ANK3: variants seen among roughly 807,000 people sequenced by gnomAD.
ANK3 encodes ankyrin-3.
ANK3 carries 57 observed loss-of-function variants against 370.9 expected under a neutral mutation model. The observed-to-expected ratio is 0.15, with a 90% CI of 0.12 to 0.19. The LOEUF (loss-of-function observed/expected upper bound fraction) is 0.19, where lower values mean the gene tolerates loss of function less well. Among genes scored for constraint, ANK3 ranks in the 10% least tolerant of loss-of-function variants. ANK3 has a pLI of 1.00. For synonymous variants in ANK3, 1,929 were observed against 1,946.3 expected, an observed-to-expected ratio of 0.99 and a Z score of 0.23; for missense variants, 4,439 against 5,302.1, an observed-to-expected ratio of 0.84 and a Z score of 5.06.
intron 1 of ANK3, among the ~76,000 whole-genome samples, chr10:60,347,054 G>GATATATAT (rs34027235): frequency 2.9e-4 from 41 of 142,540 alleles, no homozygotes; most frequent in African/African-American, 1.0e-3. Context: ...AGAAATATAT[G>GATATATAT]ATATATATAT....
chr10:60,592,577 T>C (rs1319846568), intron 2 of ANK3, among the ~76,000 whole-genome samples: 1 of 152,082 alleles, frequency 6.6e-6, no homozygotes, highest in Non-Finnish European at 1.5e-5. Flanking sequence ...CTGGCCAACA[T>C]GGTGAAACCT....
intron 18 of ANK3, among the ~76,000 whole-genome samples, chr10:60,179,628 G>T (rs1398143752): frequency 6.6e-6 from 1 of 151,806 alleles, no homozygotes; most frequent in Non-Finnish European, 1.5e-5. Context: ...GGAGGTGGAG[G>T]TTGCAGCAAG....
chr10:60,048,972 T>C (rs1185726155), intron 42 of ANK3, among the ~76,000 whole-genome samples: 2 of 152,236 alleles, frequency 1.3e-5, no homozygotes, highest in Non-Finnish European at 2.9e-5. Flanking sequence ...ATTCACCATA[T>C]ACTATTATAG....
chr10:60,570,531 T>A (rs2077567601), intron 2 of ANK3, among the ~76,000 whole-genome samples: 2 of 152,094 alleles, frequency 1.3e-5, no homozygotes, highest in Non-Finnish European at 2.9e-5. Context: ...GTAAAAACCC[T>A]GGTCTGGATA....
chr10:60,291,751 C>T (rs1208134116), intron 1 of ANK3, among the ~76,000 whole-genome samples: 2 of 151,982 alleles, frequency 1.3e-5, no homozygotes, highest in African/African-American at 4.8e-5. Context: ...TTTTTTACCC[C>T]CAGACAGTCT....
intron 1 of ANK3, among the ~76,000 whole-genome samples, chr10:60,695,806 T>A (rs188479497): frequency 6.6e-6 from 1 of 151,942 alleles, no homozygotes; most frequent in African/African-American, 2.4e-5. Flanking sequence ...GCAGGAAAGA[T>A]CCAAAATTGA....
chr10:60,445,756 G>T (rs1268355964), intron 2 of ANK3, among the ~76,000 whole-genome samples: 4 of 152,114 alleles, frequency 2.6e-5, no homozygotes, highest in Non-Finnish European at 5.9e-5. Context: ...TTTTGGCCAG[G>T]CCAGGTCATC....
intron 1 of ANK3, among the ~76,000 whole-genome samples, chr10:60,370,927 G>C (rs980656039): frequency 1.3e-5 from 2 of 152,060 alleles, no homozygotes; most frequent in African/African-American, 4.8e-5. Context: ...AAAGGAGGGG[G>C]CATAACCTAA....
intron 1 of ANK3, among the ~76,000 whole-genome samples, chr10:60,671,042 C>T (rs11816993): frequency 0.015 from 2,347 of 152,220 alleles, 31 homozygotes; most frequent in Non-Finnish European, 0.024. Flanking sequence ...GAACCTGGGT[C>T]GGAAATTACC....
chr10:60,721,763 A>C (rs1483827772), intron 1 of ANK3, among the ~76,000 whole-genome samples: 1 of 152,212 alleles, frequency 6.6e-6, no homozygotes, highest in Non-Finnish European at 1.5e-5. Flanking sequence ...ATCCCTGCAG[A>C]GTCCTCATCA....
intron 1 of ANK3, among the ~76,000 whole-genome samples, chr10:60,356,415 A>G (rs939244623): frequency 6.6e-6 from 1 of 152,200 alleles, no homozygotes; most frequent in African/African-American, 2.4e-5. Flanking sequence ...CACTTGCTCT[A>G]TGTCCCCAGA....
chr10:60,138,631 A>G, intron 24 of ANK3: 1 of 443,406 alleles, frequency 2.3e-6, no homozygotes, highest in East Asian at 3.4e-5. Context: ...TTCTTTCAAT[A>G]TGGAACAAAA....
chr10:60,462,584 CTT>C (rs76654028), intron 2 of ANK3, among the ~76,000 whole-genome samples: 93 of 140,642 alleles, frequency 6.6e-4, no homozygotes, highest in South Asian at 2.7e-3. Flanking sequence ...AAAAATTTAG[CTT>C]TTTTTTTTTT....
intron 1 of ANK3, among the ~76,000 whole-genome samples, chr10:60,370,910 C>A (rs993288217): frequency 8.6e-5 from 13 of 152,036 alleles, no homozygotes; most frequent in Admixed American, 8.5e-4. Context: ...TAGGGGAAAT[C>A]GGGAGGAAAG....
intron 2 of ANK3, among the ~76,000 whole-genome samples, chr10:60,455,784 T>A (rs1300714827): frequency 6.6e-6 from 1 of 152,208 alleles, no homozygotes; most frequent in Non-Finnish European, 1.5e-5. Context: ...TCAGCCAATG[T>A]CAACTCAGTC....
At chr10:60,652,680 T>G (rs1490859652) in intron 1 of ANK3, among the ~76,000 whole-genome samples, 3 of 131,412 alleles carry the variant, frequency 2.3e-5, no homozygotes, top group Non-Finnish European at 4.7e-5. Context: ...GTGACACCCT[T>G]CCAGGCAAAA....
chr10:60,072,247 T>C lies in ANK3; in HGVS notation c.8634A>G (p.Val2878=). The C allele has an allele frequency of 6.2e-7, 1 of 1,614,150 alleles. No individual in the cohort carries two copies. The highest frequency in any genetic ancestry group is 8.5e-7 in the Non-Finnish European group (1 of 1,180,016). The change falls in exon 37 of 44, where the codon GTA becomes GTG. Residue 2878 remains valine (V), a synonymous_variant. Transcript: ENST00000280772. The part of the protein sequence containing the change: ...EKLSHVLVHD[V]RENHIGHPES... Reference sequence around the variant, plus strand: ...CAGGGTGACCAATGTGATTCTCTCTTACATCATGAACAAGTACATGCGAAA... The same window carrying C: ...CAGGGTGACCAATGTGATTCTCTCTCACATCATGAACAAGTACATGCGAAA...
intron 2 of ANK3, among the ~76,000 whole-genome samples, chr10:60,460,793 A>G (rs2064865246): frequency 6.6e-6 from 1 of 152,182 alleles, no homozygotes; most frequent in African/African-American, 2.4e-5. Context: ...AGAACCATAA[A>G]TTTAAAAGTT....
intron 1 of ANK3, among the ~76,000 whole-genome samples, chr10:60,343,524 A>G (rs1349241324): frequency 6.6e-6 from 1 of 152,192 alleles, no homozygotes; most frequent in Non-Finnish European, 1.5e-5. Context: ...CTCATCTCTC[A>G]AAGCAGGTTG....
Sources: allele counts gnomAD v4.1 joint callset (sites outside exome capture counted in the v4.1 genomes callset), GRCh38; gene constraint gnomAD v4.1.1; transcripts MANE v1.5; gene names NCBI Gene and HGNC (gene_info 2026-07-23, HGNC 2026-07-21).